Variants in AKAP12 observed in about 807,000 individuals in gnomAD.
AKAP12 encodes A-kinase anchoring protein 12.
A neutral mutation model predicts 79.9 loss-of-function variants in AKAP12; 32 were observed. The observed-to-expected ratio is 0.40, with a 90% confidence interval of 0.30 to 0.54. AKAP12 has a LOEUF of 0.54. Among genes scored for constraint, AKAP12 ranks in the 20% least tolerant of loss-of-function variants. The pLI, the probability that AKAP12 is intolerant of heterozygous loss-of-function variation, is 0.48. For synonymous variants in AKAP12, 808 were observed against 857.0 expected (o/e 0.94, Z 1.00); for missense variants, 2,074 against 2,177.0 (o/e 0.95, Z 0.94).
intron 2 of AKAP12, among the ~76,000 whole-genome samples, chr6:151,272,093 G>A (rs1021213544): frequency 3.9e-5 from 6 of 151,910 alleles, no homozygotes; most frequent in East Asian, 1.9e-4. Context: ...TAATCCCTGC[G>A]CTGTGGGAGG....
intron 2 of AKAP12, among the ~76,000 whole-genome samples, chr6:151,288,209 A>AT (rs200466721): frequency 2.3e-5 from 3 of 127,920 alleles, no homozygotes; most frequent in African/African-American, 5.8e-5. Context: ...AACTTAAAGT[A>AT]TTTAAAAAAA....
intron 2 of AKAP12, among the ~76,000 whole-genome samples, chr6:151,265,642 A>G (rs953091629): frequency 2.0e-5 from 3 of 152,252 alleles, no homozygotes; most frequent in Non-Finnish European, 1.5e-5. Flanking sequence ...AGGACCACTT[A>G]GTTTAAATTC....
At chr6:151,263,172 A>C (rs376398391) in intron 2 of AKAP12, among the ~76,000 whole-genome samples, 234 of 152,220 alleles carry the variant, frequency 1.5e-3, no homozygotes, top group African/African-American at 4.7e-3. Context: ...AGTAGCTGGG[A>C]CTATGGGCAT....
At chr6:151,307,388 T>G (rs1334459297) in intron 3 of AKAP12, among the ~76,000 whole-genome samples, 1 of 151,476 alleles carries the variant, frequency 6.6e-6, no homozygotes, top group Non-Finnish European at 1.5e-5. Flanking sequence ...CTGCAAAGAG[T>G]TTTTATTGAA....
chr6:151,343,367 A>C (rs1310325697), intron 3 of AKAP12, among the ~76,000 whole-genome samples: 2 of 152,222 alleles, frequency 1.3e-5, no homozygotes, highest in Non-Finnish European at 2.9e-5. Context: ...GTGAAATCAT[A>C]CTAGAATAGA....
chr6:151,280,495 T>C (rs553252988), intron 2 of AKAP12: 1 of 152,196 alleles, frequency 6.6e-6, no homozygotes, highest in South Asian at 2.1e-4. Context: ...TTTCAATAGC[T>C]CACAGCACAC....
At chr6:151,303,054 G>T (rs1016189239) in intron 2 of AKAP12, among the ~76,000 whole-genome samples, 1 of 152,104 alleles carries the variant, frequency 6.6e-6, no homozygotes, top group Non-Finnish European at 1.5e-5. Flanking sequence ...TTAGCTGGGC[G>T]CAGTGGCAGG....
intron 2 of AKAP12, among the ~76,000 whole-genome samples, chr6:151,265,357 A>G (rs1266927496): frequency 6.6e-6 from 1 of 152,224 alleles, no homozygotes; most frequent in Non-Finnish European, 1.5e-5. Context: ...CTGGAAGCAG[A>G]TATTTGTTAA....
intron 2 of AKAP12, among the ~76,000 whole-genome samples, chr6:151,262,989 T>C (rs1196033698): frequency 6.6e-6 from 1 of 151,992 alleles, no homozygotes; most frequent in Non-Finnish European, 1.5e-5. Flanking sequence ...ATGTAAAAGG[T>C]AGTTGATTAG....
chr6:151,350,784 C>T lies in AKAP12; in HGVS notation c.2393C>T (p.Pro798Leu). 1.9e-6 allele frequency: 3 copies of T among 1,613,932 alleles called. No homozygotes were observed. Among genetic ancestry groups the T allele is most frequent in the Non-Finnish European group, 2.5e-6 (3 of 1,179,914 alleles). ...GAACATTCCACTCCAGACACTGAACCCGGTAAAGAAGAATCCTGGGTCTCA... is the reference window on the plus strand; with the variant it reads ...GAACATTCCACTCCAGACACTGAACTCGGTAAAGAAGAATCCTGGGTCTCA... ...GVEHSTPDTE[P>L]GKEESWVSIK... The change falls in exon 4 of 5, where the codon CCC becomes CTC. Residue 798 changes from proline (P) to leucine (L), a missense_variant. Around this residue, in one of 3 missense-constraint regions of AKAP12, gnomAD observed 1,428 missense variants for 1,451.0 expected, o/e 0.98. Transcript: ENST00000402676. The surrounding 1 kb of genome is among the most constrained non-coding windows in gnomAD (Gnocchi z 4.8).
intron 2 of AKAP12, among the ~76,000 whole-genome samples, chr6:151,255,360 C>G (rs1371248425): frequency 6.6e-6 from 1 of 152,026 alleles, no homozygotes; most frequent in Non-Finnish European, 1.5e-5. Context: ...GACGAGGCTT[C>G]TCCATGTTGA....
chr6:151,325,706 T>C (rs533012293), intron 3 of AKAP12: 88 of 1,472,458 alleles, frequency 6.0e-5, no homozygotes, highest in South Asian at 1.9e-4. Context: ...CGAGGGCACC[T>C]CCGGTTCTCC....
intron 2 of AKAP12, among the ~76,000 whole-genome samples, chr6:151,251,613 G>A (rs1381825071): frequency 2.0e-5 from 3 of 152,206 alleles, no homozygotes; most frequent in Non-Finnish European, 2.9e-5. Flanking sequence ...ATCTACTGGT[G>A]TGTAACAAAC....
At position 151,348,860 on chromosome 6, in the gene AKAP12, G is replaced by A. The variant is rs1268408874; in HGVS notation, c.469G>A (p.Glu157Lys). The change falls in exon 4 of 5, where the codon GAA becomes AAA. Residue 157 changes from glutamate (E) to lysine (K), a missense_variant. Around this residue, in one of 3 missense-constraint regions of AKAP12, gnomAD observed 1,428 missense variants for 1,451.0 expected, o/e 0.98. Coordinates refer to ENST00000402676, the MANE Select transcript of AKAP12 (RefSeq NM_005100.4). ...EQIPSSESNL[E>K]ELTQPTESQA... The stretch of plus-strand genomic sequence containing the variant: ...GATTCCTTCTTCAGAAAGCAATTTA[G>A]AAGAGCTAACACAACCCACTGAGTC... The A allele has an allele frequency of 1.9e-6, 3 of 1,614,016 alleles. No individual in the cohort carries two copies. The highest frequency in any genetic ancestry group is 3.3e-5 in the Admixed American group (2 of 59,996).
chr6:151,263,798 C>T (rs1184653397), intron 2 of AKAP12, among the ~76,000 whole-genome samples: 8 of 152,074 alleles, frequency 5.3e-5, no homozygotes, highest in African/African-American at 1.2e-4. Flanking sequence ...AGGCTAGTCT[C>T]GAACTCCTGA....
chr6:151,335,480 G>T (rs75987455), intron 3 of AKAP12, among the ~76,000 whole-genome samples: 1,706 of 72,430 alleles, frequency 0.024, 79 homozygotes, highest in Admixed American at 0.15. Flanking sequence ...TTTTACTGTT[G>T]TTTGTTTGTT....
At chr6:151,259,412 A>G (rs1797365664) in intron 2 of AKAP12, among the ~76,000 whole-genome samples, 1 of 149,734 alleles carries the variant, frequency 6.7e-6, no homozygotes, top group African/African-American at 2.5e-5. Context: ...ATATATTTAT[A>G]TATGTATATA....
intron 3 of AKAP12, chr6:151,348,271 A>G (rs1778162218): frequency 2.3e-6 from 1 of 429,944 alleles, no homozygotes. Context: ...GTTGCAGTGA[A>G]CCGAGATCGT....
At position 151,301,795 on chromosome 6, in the gene AKAP12, C is replaced by T. The variant is rs574390916; in HGVS notation, c.163-3952C>T. Among the ~76,000 whole-genome samples the T allele has an allele frequency of 4.1e-4, 63 of 152,236 alleles. No homozygotes were observed. In the South Asian group the frequency reaches 4.6e-3, roughly 11 times the overall value. ...TAGACTCAAAACTCAGGTTCAGTAA[C>T]GTCACTGTCATAAATCGTTTTCTAC... is the stretch of plus-strand genomic sequence containing the variant. On this transcript the variant is annotated intron_variant, in intron 2 of 4. Coordinates refer to ENST00000402676, the MANE Select transcript of AKAP12 (RefSeq NM_005100.4).
Sources: gnomAD v4.1 joint callset for allele counts (sites outside exome capture counted in the v4.1 genomes callset) on GRCh38, gnomAD v4.1.1 for gene constraint, gnomAD v4.1.1 regional missense constraint, Gnocchi (gnomAD v3.1) non-coding constraint, MANE v1.5 for transcripts, NCBI Gene and HGNC (gene_info 2026-07-23, HGNC 2026-07-21) for gene names.